Variants in GNG2 observed in about 807,000 individuals in gnomAD.
The protein encoded by GNG2 is guanine nucleotide-binding protein G(I)/G(S)/G(O) subunit gamma-2.
In GNG2, 5 loss-of-function variants were observed where a neutral mutation model predicts 5.5. That is an observed-to-expected ratio of 0.91 (90% CI 0.48 to 1.92). The LOEUF (loss-of-function observed/expected upper bound fraction) is 1.92, where lower values mean the gene tolerates loss of function less well. Ranked by LOEUF, GNG2 falls within the 30% of genes most tolerant of loss-of-function variation. The pLI, the probability that GNG2 is intolerant of heterozygous loss-of-function variation, is 0.01. For missense variants in GNG2, 55 were observed against 88.4 expected, an observed-to-expected ratio of 0.62 and a Z score of 1.52; for synonymous variants, 28 against 32.0, an observed-to-expected ratio of 0.88 and a Z score of 0.42.
chr14:51,907,248 G>A (rs1885990910), intron 2 of GNG2, among the ~76,000 whole-genome samples: 1 of 152,178 alleles, frequency 6.6e-6, no homozygotes, highest in Non-Finnish European at 1.5e-5. Context: ...CCTCTGACCT[G>A]TCATTGATTT....
intron 2 of GNG2, among the ~76,000 whole-genome samples, chr14:51,847,795 C>T (rs1881691595): frequency 6.7e-6 from 1 of 149,404 alleles, no homozygotes; most frequent in South Asian, 2.1e-4. Context: ...TGAGAATGTG[C>T]TCCTTGATTT....
chr14:51,884,211 C>A (rs1179578815), intron 2 of GNG2, among the ~76,000 whole-genome samples: 1 of 152,102 alleles, frequency 6.6e-6, no homozygotes, highest in Admixed American at 6.5e-5. Flanking sequence ...TTAAAATGTG[C>A]CTTTTAAAAC....
Position 51,968,157 on chromosome 14 carries a change from A to G in GNG2, c.*1470A>G, listed in dbSNP as rs1457994080. 6.6e-6 allele frequency: 1 copy of G among 152,128 alleles called. No individual in the cohort carries two copies. Among genetic ancestry groups the G allele is most frequent in the African/African-American group, 2.4e-5 (1 of 41,416 alleles). The allele number at this position is 152,128 out of a possible 1,614,324, so 9.4% of individuals were successfully genotyped here. ...AACTAGAGCGCTCCTTCCCCAAGAT[A>G]TGGTAGTGAGAGTAATTTTTCATTG... On this transcript the variant is annotated 3_prime_UTR_variant, in exon 4 of 4. Coordinates refer to ENST00000556766, the MANE Select transcript of GNG2 (RefSeq NM_053064.5).
chr14:51,874,281 C>T (rs368390678), intron 1 of GNG2, among the ~76,000 whole-genome samples: 27 of 151,892 alleles, frequency 1.8e-4, no homozygotes, highest in African/African-American at 5.3e-4. Context: ...AAAAATTAGC[C>T]GGGCGTGGTG....
At chr14:51,848,457 A>T (rs1881741824) in intron 2 of GNG2, among the ~76,000 whole-genome samples, 1 of 152,082 alleles carries the variant, frequency 6.6e-6, no homozygotes, top group South Asian at 2.1e-4. Flanking sequence ...ATTCTGCTCT[A>T]TCCATGCTGA....
chr14:51,911,876 T>G lies in GNG2; in HGVS notation c.-30+34219T>G, dbSNP rs28410474. Among the ~76,000 whole-genome samples the G allele has an allele frequency of 3.4e-3, 498 of 147,650 alleles. 52 individuals carry two copies. The highest frequency in any genetic ancestry group is 9.6e-3 in the African/African-American group (377 of 39,208). On this transcript the variant is annotated intron_variant, in intron 2 of 3. Transcript: ENST00000556766. ...ATAGCCTTTTCTTATGTTTTTTTTTTTTGTTGTTATTGTTAGATTAAAGGA... is the reference window on the plus strand; with the variant it reads ...ATAGCCTTTTCTTATGTTTTTTTTTGTTGTTGTTATTGTTAGATTAAAGGA...
chr14:51,864,201 G>A (rs966670690), intron 1 of GNG2, among the ~76,000 whole-genome samples: 5 of 152,082 alleles, frequency 3.3e-5, no homozygotes, highest in African/African-American at 4.8e-5. Flanking sequence ...TTTGATAATA[G>A]CCATTTTAAG....
chr14:51,866,662 C>T (rs1882913300), intron 1 of GNG2, among the ~76,000 whole-genome samples: 1 of 152,140 alleles, frequency 6.6e-6, no homozygotes, highest in African/African-American at 2.4e-5. Flanking sequence ...ACAGCACTTT[C>T]TGTGTGTCCC....
rs972805101 is a variant in GNG2, at chr14:51,928,862, C to T, written c.-29-21788C>T. On this transcript the variant is annotated intron_variant, in intron 2 of 3. Transcript: ENST00000556766. ...TCTGTGATTTACAGGCGTGAGCCACCGCGCCTGGCCGGGTGTTTGCCATTT... is the reference window on the plus strand; with the variant it reads ...TCTGTGATTTACAGGCGTGAGCCACTGCGCCTGGCCGGGTGTTTGCCATTT... 3.9e-5 allele frequency among the ~76,000 whole-genome samples: 6 copies of T among 151,926 alleles called. No homozygotes were observed. The East Asian group carries it at 5.8e-4, about 15-fold the overall frequency.
intron 1 of GNG2, among the ~76,000 whole-genome samples, chr14:51,864,001 C>G (rs925601726): frequency 6.6e-6 from 1 of 151,942 alleles, no homozygotes; most frequent in African/African-American, 2.4e-5. Context: ...TGTTAGAGTC[C>G]CTGCTTTTAC....
chr14:51,833,133 G>T (rs1881241184), intron 2 of GNG2, among the ~76,000 whole-genome samples: 1 of 152,140 alleles, frequency 6.6e-6, no homozygotes, highest in South Asian at 2.1e-4. Context: ...GGGGAGGCAG[G>T]TGCTCTGAAA....
At chr14:51,931,566 T>C (rs1352391440) in intron 2 of GNG2, among the ~76,000 whole-genome samples, 2 of 151,974 alleles carry the variant, frequency 1.3e-5, no homozygotes, top group Non-Finnish European at 2.9e-5. Flanking sequence ...TGGGTGAGTG[T>C]CAACATACAA....
intron 1 of GNG2, chr14:51,873,884 AC>A (rs1883466603): frequency 1.3e-5 from 2 of 152,228 alleles, no homozygotes. Context: ...TGGACTAGGT[AC>A]GACTCCTTTA....
At chr14:51,964,866 G>A (rs1428963462) in intron 3 of GNG2, among the ~76,000 whole-genome samples, 1 of 152,150 alleles carries the variant, frequency 6.6e-6, no homozygotes, top group Non-Finnish European at 1.5e-5. Context: ...AGGCATGGTG[G>A]CATGCACCTG....
At position 51,864,006 on chromosome 14, in the gene GNG2, T is replaced by G. The variant is rs574759599; in HGVS notation, c.-71+3216T>G. Reference sequence around the variant, plus strand: ...TACAAATATCTGTTAGAGTCCCTGCTTTTACTTCTTTTGGGAACCCAGAAG... The same window carrying G: ...TACAAATATCTGTTAGAGTCCCTGCGTTTACTTCTTTTGGGAACCCAGAAG... On this transcript the variant is annotated intron_variant, in intron 1 of 3. Transcript: ENST00000556766. Among the ~76,000 whole-genome samples, 348 of 152,322 alleles carry G rather than the reference T, an allele frequency of 2.3e-3. 1 individual carries two copies. The highest frequency in any genetic ancestry group is 6.8e-3 in the Middle Eastern group (2 of 294).
At chr14:51,868,301 C>T (rs565082409) in intron 1 of GNG2, among the ~76,000 whole-genome samples, 1 of 152,122 alleles carries the variant, frequency 6.6e-6, no homozygotes, top group African/African-American at 2.4e-5. Flanking sequence ...TCTAACTGCA[C>T]ATTAGAAATC....
intron 1 of GNG2, among the ~76,000 whole-genome samples, chr14:51,870,585 G>C (rs1415511069): frequency 6.6e-6 from 1 of 152,220 alleles, no homozygotes; most frequent in Non-Finnish European, 1.5e-5. Flanking sequence ...GTATCTGTCA[G>C]ACTTAAATGA....
At chr14:51,869,299 G>A (rs1883144312) in intron 1 of GNG2, among the ~76,000 whole-genome samples, 1 of 152,218 alleles carries the variant, frequency 6.6e-6, no homozygotes. Flanking sequence ...ATAGGAAATT[G>A]ATCGCAAGAC....
At chr14:51,852,625 A>T (rs1431404103) in intron 2 of GNG2, among the ~76,000 whole-genome samples, 2 of 152,260 alleles carry the variant, frequency 1.3e-5, no homozygotes, top group African/African-American at 4.8e-5. Flanking sequence ...AATCTTAATT[A>T]TAGATTATTT....
Sources: gnomAD v4.1 joint callset for allele counts (sites outside exome capture counted in the v4.1 genomes callset) on GRCh38, gnomAD v4.1.1 for gene constraint, MANE v1.5 for transcripts, NCBI Gene and HGNC (gene_info 2026-07-23, HGNC 2026-07-21) for gene names.